Variants in CEP85L observed in about 807,000 individuals in gnomAD.
CEP85L encodes the protein centrosomal protein of 85 kDa-like.
In CEP85L, 60 loss-of-function variants were observed where a neutral mutation model predicts 100.3. The ratio of observed to expected loss-of-function variants is 0.60; its 90% CI spans 0.49 to 0.74. The LOEUF is 0.74. CEP85L is among the 30% of genes least tolerant of loss of function. The pLI is 0.00. For missense variants in CEP85L, 973 were observed against 936.2 expected (o/e 1.04, Z -0.51); for synonymous variants, 319 against 322.7 (o/e 0.99, Z 0.12).
At chr6:118,640,757 T>G (rs1024928838) in intron 1 of CEP85L, among the ~76,000 whole-genome samples, 1 of 152,196 alleles carries the variant, frequency 6.6e-6, no homozygotes, top group Non-Finnish European at 1.5e-5. Flanking sequence ...CTCGAACTCC[T>G]GACCTCAAGT....
chr6:118,600,320 T>C (rs1396242453), intron 2 of CEP85L, among the ~76,000 whole-genome samples: 1 of 100,680 alleles, frequency 9.9e-6, no homozygotes, highest in African/African-American at 3.7e-5. Context: ...TGTGTGTGTG[T>C]GTGTGTGTGT....
At chr6:118,558,759 G>C in intron 3 of CEP85L, 1 of 658,782 alleles carries the variant, frequency 1.5e-6, no homozygotes, top group East Asian at 2.8e-5. Context: ...GTGTAAAATT[G>C]TATTTTTTGT....
chr6:118,553,707 T>G (rs1778683913), intron 3 of CEP85L, among the ~76,000 whole-genome samples: 1 of 152,192 alleles, frequency 6.6e-6, no homozygotes, highest in Non-Finnish European at 1.5e-5. Flanking sequence ...AGTTAGCTGT[T>G]GTAGGATTAT....
At position 118,500,429 on chromosome 6, in the gene CEP85L, G is replaced by T. The variant is rs145543353; in HGVS notation, c.1258-8564C>A. 5.1e-3 allele frequency among the ~76,000 whole-genome samples: 770 copies of T among 152,320 alleles called. 10 individuals are homozygous for T. Among genetic ancestry groups the T allele is most frequent in the African/African-American group, 0.017 (700 of 41,562 alleles). Reference sequence around the variant, plus strand: ...ATCACTCCCTGGCGCTGGGCTCCTTGAAGTTATCTACTGGGAAATCTAGCA... The same window carrying T: ...ATCACTCCCTGGCGCTGGGCTCCTTTAAGTTATCTACTGGGAAATCTAGCA... On this transcript the variant is annotated intron_variant, in intron 5 of 12. Coordinates refer to ENST00000368491, the MANE Select transcript of CEP85L (RefSeq NM_001042475.3).
chr6:118,580,991 A>G (rs1361297190), intron 2 of CEP85L, among the ~76,000 whole-genome samples: 1 of 152,200 alleles, frequency 6.6e-6, no homozygotes, highest in Non-Finnish European at 1.5e-5. Flanking sequence ...AGGAGCACAC[A>G]GTATTTCTAA....
At chr6:118,557,597 T>G (rs944959608) in intron 3 of CEP85L, among the ~76,000 whole-genome samples, 3 of 152,194 alleles carry the variant, frequency 2.0e-5, no homozygotes, top group African/African-American at 7.2e-5. Context: ...TACATGAGTG[T>G]ATCCTGTGAT....
intron 1 of CEP85L, among the ~76,000 whole-genome samples, chr6:118,650,290 T>C (rs932380649): frequency 2.6e-5 from 4 of 152,160 alleles, no homozygotes; most frequent in Non-Finnish European, 5.9e-5. Context: ...AACTCAAGAT[T>C]AAAAGTGCCT....
chr6:118,597,623 G>C (rs1288397200), intron 2 of CEP85L, among the ~76,000 whole-genome samples: 1 of 152,062 alleles, frequency 6.6e-6, no homozygotes, highest in African/African-American at 2.4e-5. Context: ...AACTAAATTA[G>C]TTTTAAATTA....
intron 12 of CEP85L, among the ~76,000 whole-genome samples, chr6:118,468,020 T>C (rs918172079): frequency 3.3e-5 from 5 of 152,208 alleles, no homozygotes; most frequent in Non-Finnish European, 7.4e-5. Context: ...AGCACTTACT[T>C]AGTGTCTGGA....
At chr6:118,649,400 G>C (rs1229744667) in intron 1 of CEP85L, among the ~76,000 whole-genome samples, 2 of 152,112 alleles carry the variant, frequency 1.3e-5, no homozygotes, top group East Asian at 3.8e-4. Context: ...TGTCTCTCTA[G>C]AGGCTGCAAC....
At chr6:118,501,575 G>A (rs1037566830) in intron 5 of CEP85L, 5 of 538,284 alleles carry the variant, frequency 9.3e-6, no homozygotes, top group Non-Finnish European at 1.8e-5. Flanking sequence ...GAACAGTGAA[G>A]AACTAACGGA....
intron 10 of CEP85L, 121 bp downstream of exon 10, chr6:118,479,750 C>A: frequency 2.2e-6 from 1 of 464,796 alleles, no homozygotes; most frequent in Non-Finnish European, 3.8e-6. Context: ...AACTTTACCT[C>A]AGTGCTATAA....
chr6:118,588,317 A>G (rs56082110), intron 2 of CEP85L, among the ~76,000 whole-genome samples: 20,320 of 152,164 alleles, frequency 0.13, 1,729 homozygotes, highest in Non-Finnish European at 0.18. Flanking sequence ...TCAATACTTA[A>G]TATCTCTATT....
At chr6:118,696,840 A>G (rs1202971732) in intron 1 of CEP85L, among the ~76,000 whole-genome samples, 7 of 152,198 alleles carry the variant, frequency 4.6e-5, no homozygotes, top group Non-Finnish European at 7.3e-5. Flanking sequence ...AGATAGCTCA[A>G]CAATTTTATT....
chr6:118,619,722 G>A (rs140239157), intron 2 of CEP85L, among the ~76,000 whole-genome samples: 3 of 152,260 alleles, frequency 2.0e-5, no homozygotes, highest in Non-Finnish European at 2.9e-5. Flanking sequence ...GGAAATTCTC[G>A]GATGATCCCA....
intron 5 of CEP85L, among the ~76,000 whole-genome samples, chr6:118,496,954 C>T (rs1351569056): frequency 1.3e-5 from 2 of 152,182 alleles, no homozygotes; most frequent in Non-Finnish European, 2.9e-5. Flanking sequence ...ATGTTTCAAA[C>T]ATTAGCAGAA....
intron 3 of CEP85L, among the ~76,000 whole-genome samples, chr6:118,550,128 G>C (rs1412671272): frequency 6.6e-6 from 1 of 151,880 alleles, no homozygotes; most frequent in Non-Finnish European, 1.5e-5. Flanking sequence ...ACGCATGAAA[G>C]AGCCAGAGTA....
intron 2 of CEP85L, among the ~76,000 whole-genome samples, chr6:118,582,507 A>C (rs1001350616): frequency 2.6e-5 from 4 of 152,222 alleles, no homozygotes; most frequent in African/African-American, 7.2e-5. Context: ...AAGGAAGGTA[A>C]GGAAGAAGTG....
chr6:118,473,416 G>A (rs1434536540), intron 10 of CEP85L, among the ~76,000 whole-genome samples: 1 of 152,102 alleles, frequency 6.6e-6, no homozygotes, highest in African/African-American at 2.4e-5. Context: ...AAGGTTCTGG[G>A]ACAGATGGTG....
Sources: gnomAD v4.1 joint callset for allele counts (sites outside exome capture counted in the v4.1 genomes callset) on GRCh38, gnomAD v4.1.1 for gene constraint, MANE v1.5 for transcripts, NCBI Gene and HGNC (gene_info 2026-07-23, HGNC 2026-07-21) for gene names.